Variants in MAF observed in about 807,000 individuals in gnomAD.
The protein encoded by MAF is MAF bZIP transcription factor.
A neutral mutation model predicts 22.0 loss-of-function variants in MAF; 10 were observed. That is an observed-to-expected ratio of 0.45 (90% CI 0.28 to 0.77). MAF has a LOEUF of 0.77. Among genes scored for constraint, MAF ranks in the 30% least tolerant of loss-of-function variants. The probability of loss-of-function intolerance (pLI) is 0.12; values close to 1 mark genes in which losing one functional copy is unlikely to be tolerated. For missense variants in MAF, 544 were observed against 548.4 expected (o/e 0.99, Z 0.08); for synonymous variants, 337 against 255.8 (o/e 1.32, Z -3.03).
the MAF span, among the ~76,000 whole-genome samples, chr16:79,254,176 A>G: frequency 6.6e-6 from 1 of 152,188 alleles, no homozygotes; most frequent in African/African-American, 2.4e-5. Context: ...AATCAAGCAT[A>G]TTATTATTCA....
the MAF span, among the ~76,000 whole-genome samples, chr16:79,297,511 T>G: frequency 6.6e-6 from 1 of 152,170 alleles, no homozygotes; most frequent in African/African-American, 2.4e-5. Flanking sequence ...TATTTGGTAG[T>G]TGTGCTTCTT....
chr16:79,372,993 T>C, the MAF span, among the ~76,000 whole-genome samples: 2 of 152,190 alleles, frequency 1.3e-5, no homozygotes, highest in Non-Finnish European at 2.9e-5. Flanking sequence ...CTCTACAGCA[T>C]CTCCAGGCAT....
At chr16:79,211,592 C>A in the MAF span, 2 of 1,613,936 alleles carry the variant, frequency 1.2e-6, no homozygotes, top group East Asian at 4.5e-5. Context: ...TTTTGTCTTT[C>A]TTCTTGGATT....
At chr16:79,462,858 T>A in the MAF span, among the ~76,000 whole-genome samples, 1 of 152,226 alleles carries the variant, frequency 6.6e-6, no homozygotes, top group Non-Finnish European at 1.5e-5. Context: ...ATAAAGTCTG[T>A]ATTTTTACGG....
At chr16:79,595,626 T>C in intron 1 of MAF, 1 of 1,058,298 alleles carries the variant, frequency 9.4e-7, no homozygotes, top group Non-Finnish European at 1.1e-6. Flanking sequence ...GAAGGTAGTT[T>C]TGAGTCTTTC....
At chr16:79,579,016 T>C in the MAF span, among the ~76,000 whole-genome samples, 1 of 152,086 alleles carries the variant, frequency 6.6e-6, no homozygotes, top group Non-Finnish European at 1.5e-5. Flanking sequence ...TACCTTTGGG[T>C]TAGCAAACCA....
the MAF span, among the ~76,000 whole-genome samples, chr16:79,498,655 T>A: frequency 6.6e-6 from 1 of 152,120 alleles, no homozygotes; most frequent in African/African-American, 2.4e-5. Context: ...AACAGAGAGG[T>A]TAAGTACCTA....
chr16:79,459,987 T>A, the MAF span, among the ~76,000 whole-genome samples: 1 of 152,224 alleles, frequency 6.6e-6, no homozygotes, highest in Non-Finnish European at 1.5e-5. Flanking sequence ...TATGTGCATT[T>A]AAAATATTCA....
chr16:79,225,729 G>C, the MAF span, among the ~76,000 whole-genome samples: 1 of 152,234 alleles, frequency 6.6e-6, no homozygotes, highest in Non-Finnish European at 1.5e-5. Flanking sequence ...GATATAAACA[G>C]ACACTTCTCA....
At chr16:79,407,760 C>T in the MAF span, among the ~76,000 whole-genome samples, 23 of 152,062 alleles carry the variant, frequency 1.5e-4, no homozygotes, top group Admixed American at 1.5e-3. Flanking sequence ...TCCGTCCTGA[C>T]ACAAGTTGAA....
At chr16:79,421,167 C>T in the MAF span, among the ~76,000 whole-genome samples, 3 of 152,124 alleles carry the variant, frequency 2.0e-5, no homozygotes, top group Non-Finnish European at 4.4e-5. Flanking sequence ...TAAGTATGTA[C>T]GTACAAGAGA....
At chr16:79,261,974 C>A in the MAF span, among the ~76,000 whole-genome samples, 1 of 152,134 alleles carries the variant, frequency 6.6e-6, no homozygotes, top group African/African-American at 2.4e-5. Context: ...ACGAGTTATT[C>A]CAGACTGGCT....
At chr16:79,325,941 C>T in the MAF span, among the ~76,000 whole-genome samples, 3 of 152,150 alleles carry the variant, frequency 2.0e-5, no homozygotes, top group Non-Finnish European at 2.9e-5. Context: ...TCTTGTGTGA[C>T]ACTGATACTC....
chr16:79,345,396 G>T, the MAF span, among the ~76,000 whole-genome samples: 1 of 152,030 alleles, frequency 6.6e-6, no homozygotes, highest in Non-Finnish European at 1.5e-5. Context: ...ACAATAAAAA[G>T]GAGAAAGAAC....
At chr16:79,492,264 G>A in the MAF span, among the ~76,000 whole-genome samples, 3 of 152,192 alleles carry the variant, frequency 2.0e-5, no homozygotes, top group East Asian at 5.8e-4. Context: ...GGATTAGGGT[G>A]AGGTGAGCGA....
At chr16:79,279,570 G>A in the MAF span, among the ~76,000 whole-genome samples, 4 of 152,092 alleles carry the variant, frequency 2.6e-5, no homozygotes, top group Admixed American at 6.5e-5. Context: ...GCAGGATGAC[G>A]AAGCTGGAGA....
chr16:79,473,367 A>G, the MAF span, among the ~76,000 whole-genome samples: 35 of 152,340 alleles, frequency 2.3e-4, no homozygotes, highest in Admixed American at 2.3e-3. Context: ...ACTCCTTTTA[A>G]CAATTCAGGG....
chr16:79,241,521 C>T, the MAF span, among the ~76,000 whole-genome samples: 1 of 151,972 alleles, frequency 6.6e-6, no homozygotes, highest in Non-Finnish European at 1.5e-5. Context: ...TGAACAAAGC[C>T]TCCAAGAAAT....
downstream of MAF, among the ~76,000 whole-genome samples, chr16:79,585,657 C>T (rs901578431): frequency 2.0e-5 from 3 of 152,120 alleles, no homozygotes; most frequent in Non-Finnish European, 4.4e-5. Flanking sequence ...CATGCTGATT[C>T]TCACATATAT....
Sources: allele counts gnomAD v4.1 joint callset (sites outside exome capture counted in the v4.1 genomes callset), GRCh38; gene constraint gnomAD v4.1.1; transcripts MANE v1.5; gene names NCBI Gene and HGNC (gene_info 2026-07-23, HGNC 2026-07-21).